Variants in C1QTNF2 observed in about 807,000 individuals in gnomAD.
C1QTNF2 encodes C1q and TNF related 2, also known as complement C1q tumor necrosis factor-related protein 2.
A neutral mutation model predicts 17.4 loss-of-function variants in C1QTNF2; 15 were observed. The observed-to-expected ratio is 0.86, with a 90% CI of 0.58 to 1.33. C1QTNF2 has a LOEUF of 1.33. Ranked by LOEUF, C1QTNF2 falls within the 40% of genes most tolerant of loss-of-function variation. C1QTNF2 has a pLI of 0.00. For synonymous variants in C1QTNF2, 154 were observed against 163.3 expected, an observed-to-expected ratio of 0.94 and a Z score of 0.44; for missense variants, 381 against 392.3, an observed-to-expected ratio of 0.97 and a Z score of 0.24.
chr5:160,355,070 C>T (rs762367061), intron 1 of C1QTNF2, 50 bp from the exon 2 acceptor site: 8 of 1,483,514 alleles, frequency 5.4e-6, no homozygotes, highest in Non-Finnish European at 7.2e-6. Context: ...ACCAAGCTGA[C>T]CTGGGGCTGG....
chr5:160,349,169 T>TA lies in C1QTNF2; in HGVS notation c.856dup (p.Ter286LeufsTer52), dbSNP rs780541663. Reference sequence around the variant, plus strand: ...GCCTGGAGGACCGCCGTGGCATGTCTATACCTCGTTGGGGTCATCCTGGTC... The same window carrying TA: ...GCCTGGAGGACCGCCGTGGCATGTCTAATACCTCGTTGGGGTCATCCTGGTC... On this transcript the variant is annotated frameshift_variant and stop_lost, in exon 3 of 3. Transcript: ENST00000652664. LOFTEE classifies it high-confidence loss of function. This position sits in a 1 kb window ranked among gnomAD's most constrained non-coding sequence, Gnocchi z 4.3. The TA allele has an allele frequency of 2.5e-6, 4 of 1,611,456 alleles. No homozygotes were observed. The highest frequency in any genetic ancestry group is 3.4e-6 in the Non-Finnish European group (4 of 1,178,338).
At chr5:160,361,186 T>A (rs1292709007) in intron 1 of C1QTNF2, among the ~76,000 whole-genome samples, 1 of 152,172 alleles carries the variant, frequency 6.6e-6, no homozygotes, top group Non-Finnish European at 1.5e-5. Flanking sequence ...AATACACATG[T>A]TCTAGAAAAG....
intron 2 of C1QTNF2, among the ~76,000 whole-genome samples, chr5:160,350,739 C>T (rs1408862383): frequency 6.6e-6 from 1 of 151,308 alleles, no homozygotes. Context: ...GGAATGGAAT[C>T]CACAATGCCA....
chr5:160,368,544 A>G (rs1247308843), intron 1 of C1QTNF2, among the ~76,000 whole-genome samples: 2 of 152,126 alleles, frequency 1.3e-5, no homozygotes, highest in East Asian at 3.9e-4. Flanking sequence ...AAAAAAAGAA[A>G]AAAGAAAAAA....
intron 1 of C1QTNF2, chr5:160,355,380 A>T (rs924169789): frequency 2.9e-6 from 1 of 348,690 alleles, no homozygotes; most frequent in African/African-American, 2.2e-5. Flanking sequence ...GTTTCATCCA[A>T]ATCTGTGGCA....
At chr5:160,351,106 A>G (rs1044538058) in intron 2 of C1QTNF2, among the ~76,000 whole-genome samples, 3 of 152,208 alleles carry the variant, frequency 2.0e-5, no homozygotes, top group African/African-American at 7.2e-5. Context: ...CTTGGCCTAT[A>G]GCAAACATTC....
Position 160,370,509 on chromosome 5 carries a change from C to A in C1QTNF2, c.-10+3G>T, listed in dbSNP as rs1764334775. On this transcript the variant is annotated splice_donor_region_variant and intron_variant, in intron 1 of 2. Coordinates refer to ENST00000652664, the MANE Select transcript of C1QTNF2 (RefSeq NM_031908.6). ...CCGCCCGACCGCGGTGCGGGACACT[C>A]ACCCTCGCGGCTGCCCGCCACGTCC... The A allele has an allele frequency of 2.7e-6, 4 of 1,477,120 alleles. No individual in the cohort carries two copies. The highest frequency in any genetic ancestry group is 5.6e-5 in the East Asian group (2 of 35,726). 91.5% of individuals were successfully genotyped at this position (1,477,120 alleles called of 1,614,324 possible).
intron 2 of C1QTNF2, among the ~76,000 whole-genome samples, chr5:160,350,897 C>T (rs972014051): frequency 6.6e-6 from 1 of 152,074 alleles, no homozygotes; most frequent in Non-Finnish European, 1.5e-5. Flanking sequence ...ACTACAGGCA[C>T]CTGCCACCAC....
intron 1 of C1QTNF2, among the ~76,000 whole-genome samples, chr5:160,369,769 G>A (rs910569921): frequency 3.9e-5 from 6 of 152,248 alleles, no homozygotes; most frequent in Middle Eastern, 3.4e-3. Context: ...CCTGGGCTGG[G>A]AGACTATTAG....
chr5:160,352,302 C>A (rs1029716238), intron 2 of C1QTNF2, among the ~76,000 whole-genome samples: 3 of 152,184 alleles, frequency 2.0e-5, no homozygotes, highest in African/African-American at 7.2e-5. Flanking sequence ...GTGCTTTCCT[C>A]TTCTTTACCT....
chr5:160,356,693 GCAGCTGTGGTCCTGGTTGCA>G (rs1764057712), intron 1 of C1QTNF2, among the ~76,000 whole-genome samples: 1 of 152,192 alleles, frequency 6.6e-6, no homozygotes, highest in African/African-American at 2.4e-5. Context: ...GGGATCCTCG[GCAGCTGTGGTCCTGGTTGCA>G]CAGCAGGGGC....
intron 1 of C1QTNF2, among the ~76,000 whole-genome samples, chr5:160,369,730 G>T (rs1174174302): frequency 6.6e-6 from 1 of 152,178 alleles, no homozygotes; most frequent in Non-Finnish European, 1.5e-5. Context: ...ATGAGGTAAT[G>T]CAAGGGACTC....
chr5:160,369,811 G>A (rs1216242436), intron 1 of C1QTNF2, among the ~76,000 whole-genome samples: 1 of 152,172 alleles, frequency 6.6e-6, no homozygotes, highest in African/African-American at 2.4e-5. Flanking sequence ...TGAAAAGCGA[G>A]GTCCTAGAAT....
At chr5:160,361,803 A>G (rs1274196285) in intron 1 of C1QTNF2, among the ~76,000 whole-genome samples, 1 of 152,160 alleles carries the variant, frequency 6.6e-6, no homozygotes, top group South Asian at 2.1e-4. Context: ...ATCTCCTCAG[A>G]GAGACCTGCC....
intron 2 of C1QTNF2, among the ~76,000 whole-genome samples, chr5:160,351,364 C>G (rs1763919292): frequency 6.6e-6 from 1 of 152,184 alleles, no homozygotes. Context: ...ACCATATGAA[C>G]TGGGTCAAGG....
At chr5:160,354,509 G>A (rs139142175) in intron 2 of C1QTNF2, among the ~76,000 whole-genome samples, 3 of 150,180 alleles carry the variant, frequency 2.0e-5, no homozygotes, top group African/African-American at 7.4e-5. Flanking sequence ...ATCCCAGGAG[G>A]CAGAGGTTGC....
chr5:160,350,750 ATT>A (rs1354840992), intron 2 of C1QTNF2, among the ~76,000 whole-genome samples: 19 of 140,198 alleles, frequency 1.4e-4, no homozygotes, highest in East Asian at 4.2e-4. Flanking sequence ...CACAATGCCA[ATT>A]TTTTTTTTTT....
chr5:160,361,029 C>T (rs112008777), intron 1 of C1QTNF2, among the ~76,000 whole-genome samples: 2,909 of 152,120 alleles, frequency 0.019, 83 homozygotes, highest in African/African-American at 0.066. Context: ...CTCCTGACCT[C>T]GTTATCCACC....
At chr5:160,359,682 GA>G (rs1166920905) in intron 1 of C1QTNF2, among the ~76,000 whole-genome samples, 16 of 152,202 alleles carry the variant, frequency 1.1e-4, no homozygotes, top group South Asian at 4.1e-4. Context: ...ACTTGGATTA[GA>G]CAAGGTGATG....
Sources: allele counts gnomAD v4.1 joint callset (sites outside exome capture counted in the v4.1 genomes callset), GRCh38; gene constraint gnomAD v4.1.1; non-coding constraint Gnocchi (gnomAD v3.1); transcripts MANE v1.5; gene names NCBI Gene and HGNC (gene_info 2026-07-23, HGNC 2026-07-21).